KIRREL3: variants seen among roughly 807,000 people sequenced by gnomAD.
KIRREL3 encodes kirre like nephrin family adhesion molecule 3.
A neutral mutation model predicts 89.7 loss-of-function variants in KIRREL3; 36 were observed. The ratio of observed to expected loss-of-function variants is 0.40; its 90% CI spans 0.31 to 0.53. The LOEUF is 0.53. Among genes scored for constraint, KIRREL3 ranks in the 20% least tolerant of loss-of-function variants. The probability of loss-of-function intolerance (pLI) is 0.49; values close to 1 mark genes in which losing one functional copy is unlikely to be tolerated. For synonymous variants in KIRREL3, 445 were observed against 441.4 expected, an observed-to-expected ratio of 1.01 and a Z score of -0.10; for missense variants, 864 against 1,056.6, an observed-to-expected ratio of 0.82 and a Z score of 2.53.
At chr11:126,634,923 G>T (rs7128801) in intron 1 of KIRREL3, among the ~76,000 whole-genome samples, 3,567 of 152,234 alleles carry the variant, frequency 0.023, 40 homozygotes, top group Middle Eastern at 0.089. Flanking sequence ...TGTGGAGGGA[G>T]GGTATATGCA....
rs888636493 is a variant in KIRREL3 at position 126,909,946 on chromosome 11, G to A, written c.55+90509C>T. On this transcript the variant is annotated intron_variant, in intron 1 of 16. Coordinates refer to ENST00000525144, the MANE Select transcript of KIRREL3 (RefSeq NM_032531.4). The surrounding 1 kb of genome is among the most constrained non-coding windows in gnomAD (Gnocchi z 4.5). ...CTGTATTAACTGAAGATGACAGGGA[G>A]CGAGGGATGGAAAGCGGGCAATTTG... is the stretch of plus-strand genomic sequence containing the variant. Among the ~76,000 whole-genome samples the A allele has an allele frequency of 4.6e-5, 7 of 152,164 alleles. No individual in the cohort carries two copies. Among genetic ancestry groups the A allele is most frequent in the African/African-American group, 1.7e-4 (7 of 41,426 alleles).
chr11:126,711,418 G>T (rs553015802), intron 1 of KIRREL3, among the ~76,000 whole-genome samples: 1 of 152,064 alleles, frequency 6.6e-6, no homozygotes, highest in Non-Finnish European at 1.5e-5. Context: ...GAAATTAGCT[G>T]GGGGGTGGTG....
intron 1 of KIRREL3, among the ~76,000 whole-genome samples, chr11:126,806,382 C>T (rs931998589): frequency 6.6e-6 from 1 of 152,214 alleles, no homozygotes. Flanking sequence ...CTACAGATCT[C>T]TATCTGTAAA....
At chr11:126,732,291 T>C (rs1948648486) in intron 1 of KIRREL3, among the ~76,000 whole-genome samples, 1 of 152,244 alleles carries the variant, frequency 6.6e-6, no homozygotes, top group African/African-American at 2.4e-5. Flanking sequence ...AATACAAATG[T>C]ATACATCATT....
rs1205219277 is a variant in KIRREL3 at position 126,635,062 on chromosome 11, AG to A, written c.56-72151del. On this transcript the variant is annotated intron_variant, in intron 1 of 16. Coordinates refer to ENST00000525144, the MANE Select transcript of KIRREL3 (RefSeq NM_032531.4). The surrounding 1 kb of genome is among the most constrained non-coding windows in gnomAD (Gnocchi z 4.0). The stretch of plus-strand genomic sequence containing the variant: ...ACTTCTCCTCGATCAGGAGTAATAT[AG>A]TCTGAGAATGAGCACAAAGAACACT... Among the ~76,000 whole-genome samples, 1 of 152,206 alleles carries A rather than the reference AG, an allele frequency of 6.6e-6. No individual in the cohort carries two copies. Among genetic ancestry groups the A allele is most frequent in the African/African-American group, 2.4e-5 (1 of 41,454 alleles).
chr11:126,599,449 C>T (rs1202122478), intron 1 of KIRREL3, among the ~76,000 whole-genome samples: 1 of 152,182 alleles, frequency 6.6e-6, no homozygotes, highest in African/African-American at 2.4e-5. Context: ...ACCAGCTCTT[C>T]CTGGGCTGTT....
At chr11:126,944,164 C>G (rs540009539) in intron 1 of KIRREL3, among the ~76,000 whole-genome samples, 65 of 152,294 alleles carry the variant, frequency 4.3e-4, no homozygotes, top group Admixed American at 1.2e-3. Flanking sequence ...TTTGGTCCTC[C>G]TATTATATCT....
intron 4 of KIRREL3, among the ~76,000 whole-genome samples, chr11:126,503,465 CAA>C (rs2134374394): frequency 6.6e-6 from 1 of 152,254 alleles, no homozygotes; most frequent in African/African-American, 2.4e-5. Context: ...CAGCACTAGG[CAA>C]GTCTCCAGTG....
Position 126,955,032 on chromosome 11 carries a change from A to G in KIRREL3, c.55+45423T>C, listed in dbSNP as rs1948882521. Among the ~76,000 whole-genome samples, 1 of 151,976 alleles carries G rather than the reference A, an allele frequency of 6.6e-6. No individual in the cohort carries two copies. The highest frequency in any genetic ancestry group is 1.5e-5 in the Non-Finnish European group (1 of 67,990). On this transcript the variant is annotated intron_variant, in intron 1 of 16. Coordinates refer to ENST00000525144, the MANE Select transcript of KIRREL3 (RefSeq NM_032531.4). The surrounding 1 kb of genome is among the most constrained non-coding windows in gnomAD (Gnocchi z 4.6). ...CTGAGAGGCTGGCTGAAGCAGGAAG[A>G]ACTGACCCTCTCTCTACACTGGCCT...
At chr11:126,567,610 G>C (rs1940607718) in intron 1 of KIRREL3, among the ~76,000 whole-genome samples, 1 of 152,248 alleles carries the variant, frequency 6.6e-6, no homozygotes, top group South Asian at 2.1e-4. Context: ...GCAGGGAGCA[G>C]CATCACACTC....
At chr11:126,673,822 G>T (rs930835282) in intron 1 of KIRREL3, among the ~76,000 whole-genome samples, 7 of 152,200 alleles carry the variant, frequency 4.6e-5, no homozygotes, top group African/African-American at 1.7e-4. Context: ...TCTAAACACC[G>T]GGATGGATGT....
At chr11:126,784,706 C>T (rs995629557) in intron 1 of KIRREL3, among the ~76,000 whole-genome samples, 8 of 151,978 alleles carry the variant, frequency 5.3e-5, no homozygotes, top group South Asian at 2.1e-4. Flanking sequence ...TGTCAGTCTC[C>T]GCTTATGTCC....
In KIRREL3 at chr11:126,484,079, C is replaced by T. The variant is rs1007140680; in HGVS notation, c.434-10613G>A. On this transcript the variant is annotated intron_variant, in intron 4 of 16. Coordinates refer to ENST00000525144, the MANE Select transcript of KIRREL3 (RefSeq NM_032531.4). This position sits in a 1 kb window ranked among gnomAD's most constrained non-coding sequence, Gnocchi z 5.2. The stretch of plus-strand genomic sequence containing the variant: ...AGGGCTGGTCCTTGCCAAATTCTCT[C>T]TCTAGTACTTAGTACAGTGCCTGGC... 1.3e-5 allele frequency among the ~76,000 whole-genome samples: 2 copies of T among 152,224 alleles called. No homozygotes were observed. Among genetic ancestry groups the T allele is most frequent in the Non-Finnish European group, 2.9e-5 (2 of 68,042 alleles).
chr11:126,988,431 G>T (rs1949933535), intron 1 of KIRREL3: 1 of 152,828 alleles, frequency 6.5e-6, no homozygotes, highest in South Asian at 2.1e-4. Flanking sequence ...CAGGGCAGGG[G>T]TTTCTGTGGC....
chr11:126,942,097 G>A (rs1331312005), intron 1 of KIRREL3, among the ~76,000 whole-genome samples: 1 of 152,200 alleles, frequency 6.6e-6, no homozygotes, highest in Non-Finnish European at 1.5e-5. Flanking sequence ...GGTGGGGGCA[G>A]GTGGTACCTT....
intron 1 of KIRREL3, among the ~76,000 whole-genome samples, chr11:126,941,571 G>A (rs142526413): frequency 1.7e-3 from 261 of 152,300 alleles, no homozygotes; most frequent in African/African-American, 6.1e-3. Flanking sequence ...TAGACAATGG[G>A]TATACTCAGG....
rs934321943 is a variant in KIRREL3 at position 126,620,301 on chromosome 11, A to G, written c.56-57389T>C. ...GGATTCTAGACCCATTATCTTGATC[A>G]TTCTTTATCAGCAAATCTCTTGCTT... On this transcript the variant is annotated intron_variant, in intron 1 of 16. Coordinates refer to ENST00000525144, the MANE Select transcript of KIRREL3 (RefSeq NM_032531.4). The surrounding 1 kb of genome is among the most constrained non-coding windows in gnomAD (Gnocchi z 4.8). Among the ~76,000 whole-genome samples, 15 of 152,192 alleles carry G rather than the reference A, an allele frequency of 9.9e-5. No homozygotes were observed. The highest frequency in any genetic ancestry group is 3.4e-4 in the African/African-American group (14 of 41,438).
In KIRREL3 at chr11:126,551,294, A is replaced by T. The variant is rs961518053; in HGVS notation, c.133+11541T>A. On this transcript the variant is annotated intron_variant, in intron 2 of 16. Transcript: ENST00000525144. This position sits in a 1 kb window ranked among gnomAD's most constrained non-coding sequence, Gnocchi z 4.9. ...GACTCTCTCAGGGAAGGGTCTTAAG[A>T]CCCACAATCAGAAAGTGGTGAAAGG... Among the ~76,000 whole-genome samples the T allele has an allele frequency of 6.6e-6, 1 of 151,984 alleles. No individual in the cohort carries two copies. The highest frequency in any genetic ancestry group is 1.9e-4 in the East Asian group (1 of 5,172).
Position 126,651,676 on chromosome 11 carries a change from T to C in KIRREL3, c.56-88764A>G, listed in dbSNP as rs1255042464. On this transcript the variant is annotated intron_variant, in intron 1 of 16. Coordinates refer to ENST00000525144, the MANE Select transcript of KIRREL3 (RefSeq NM_032531.4). This position sits in a 1 kb window ranked among gnomAD's most constrained non-coding sequence, Gnocchi z 4.6. ...GGGTATTATGGAGATATTAATTCCA[T>C]ATGAAACCTCACAATTCATTCATGT... is the stretch of plus-strand genomic sequence containing the variant. Among the ~76,000 whole-genome samples the C allele has an allele frequency of 6.6e-6, 1 of 152,244 alleles. No individual in the cohort carries two copies. The highest frequency in any genetic ancestry group is 1.9e-4 in the East Asian group (1 of 5,208).
Sources: gnomAD v4.1 joint callset for allele counts (sites outside exome capture counted in the v4.1 genomes callset) on GRCh38, gnomAD v4.1.1 for gene constraint, Gnocchi (gnomAD v3.1) non-coding constraint, MANE v1.5 for transcripts, NCBI Gene and HGNC (gene_info 2026-07-23, HGNC 2026-07-21) for gene names.